Variants in GPR137C observed in about 807,000 individuals in gnomAD.
GPR137C encodes the protein G protein-coupled receptor 137C, also known as integral membrane protein GPR137C.
GPR137C carries 27 observed loss-of-function variants against 43.4 expected under a neutral mutation model. The ratio of observed to expected loss-of-function variants is 0.62; its 90% CI spans 0.46 to 0.86. The LOEUF is 0.86. Ranked by LOEUF, GPR137C falls within the 40% of genes least tolerant of loss-of-function variation. The pLI, the probability that GPR137C is intolerant of heterozygous loss-of-function variation, is 0.00. For synonymous variants in GPR137C, 285 were observed against 226.9 expected (o/e 1.26, Z -2.30); for missense variants, 522 against 534.6 (o/e 0.98, Z 0.23).
intron 3 of GPR137C, among the ~76,000 whole-genome samples, chr14:52,603,496 T>G (rs1951450): frequency 2.0e-5 from 3 of 151,976 alleles, no homozygotes; most frequent in African/African-American, 7.3e-5. Flanking sequence ...GGTAGTTCTA[T>G]TTTTAGTTTT....
Position 52,636,089 on chromosome 14 carries a change from C to G in GPR137C, c.*974C>G, listed in dbSNP as rs1434412357. On this transcript the variant is annotated 3_prime_UTR_variant, in exon 7 of 7. Transcript: ENST00000321662. ...TAAATGAAATCATGATACATTATTGCAGTGAACTCAAGTGCAATACTTTGT... is the reference window on the plus strand; with the variant it reads ...TAAATGAAATCATGATACATTATTGGAGTGAACTCAAGTGCAATACTTTGT... 2.0e-5 allele frequency: 3 copies of G among 151,982 alleles called. No individual in the cohort carries two copies. The highest frequency in any genetic ancestry group is 4.4e-5 in the Non-Finnish European group (3 of 67,966). 9.4% of individuals were successfully genotyped at this position (151,982 alleles called of 1,614,324 possible). A position where few individuals can be genotyped will look rare whatever the true frequency, so the allele number is the denominator to read the frequency against.
chr14:52,624,759 T>C (rs1403093637), intron 3 of GPR137C, among the ~76,000 whole-genome samples: 1 of 145,802 alleles, frequency 6.9e-6, no homozygotes, highest in Non-Finnish European at 1.5e-5. Flanking sequence ...AAGATAAAAA[T>C]AGAAATCAAT....
chr14:52,611,919 C>T (rs549871183), intron 3 of GPR137C: 1 of 982,818 alleles, frequency 1.0e-6, no homozygotes, highest in Admixed American at 6.1e-5. Flanking sequence ...CTATCATCTT[C>T]ATCATCATAT....
At chr14:52,579,386 C>T (rs2038611725) in intron 1 of GPR137C, among the ~76,000 whole-genome samples, 1 of 152,098 alleles carries the variant, frequency 6.6e-6, no homozygotes, top group African/African-American at 2.4e-5. Flanking sequence ...AGAGATTTAA[C>T]TGCTCTTAAA....
At chr14:52,596,213 C>T (rs1002692140) in intron 1 of GPR137C, among the ~76,000 whole-genome samples, 2 of 152,172 alleles carry the variant, frequency 1.3e-5, no homozygotes, top group Admixed American at 6.5e-5. Flanking sequence ...AGAGGGGCAC[C>T]CGCCTGTATG....
chr14:52,559,310 A>G lies in GPR137C; in HGVS notation c.444+5719A>G, dbSNP rs539550217. 2.0e-5 allele frequency among the ~76,000 whole-genome samples: 3 copies of G among 151,508 alleles called. No homozygotes were observed. In the East Asian group the frequency reaches 5.9e-4, roughly 30 times the overall value. ...GGCAGGAGAATCATTTGAACCTGGG[A>G]GGTGGAAGTTGCAGTGAACCGAGAT... On this transcript the variant is annotated intron_variant, in intron 1 of 6. Transcript: ENST00000321662.
chr14:52,599,074 AT>A (rs1372388507), intron 2 of GPR137C, among the ~76,000 whole-genome samples: 3 of 152,312 alleles, frequency 2.0e-5, no homozygotes, highest in Admixed American at 6.5e-5. Flanking sequence ...AGCCAGATAA[AT>A]TTCAGCATCA....
intron 3 of GPR137C, among the ~76,000 whole-genome samples, chr14:52,628,210 GT>G (rs2039252142): frequency 2.0e-5 from 3 of 152,190 alleles, no homozygotes; most frequent in Non-Finnish European, 4.4e-5. Flanking sequence ...TACACTTAAT[GT>G]GGTTTATTGA....
At chr14:52,595,552 C>T (rs927734257) in intron 1 of GPR137C, among the ~76,000 whole-genome samples, 1 of 152,038 alleles carries the variant, frequency 6.6e-6, no homozygotes, top group Non-Finnish European at 1.5e-5. Context: ...TGTCTCCTCG[C>T]TCTGTTTTAT....
chr14:52,623,456 A>C (rs2039183837), intron 3 of GPR137C, among the ~76,000 whole-genome samples: 1 of 152,164 alleles, frequency 6.6e-6, no homozygotes, highest in Admixed American at 6.5e-5. Context: ...TTTCCTTTCT[A>C]GTCTGGAAAG....
chr14:52,569,381 T>C (rs1358357064), intron 1 of GPR137C, among the ~76,000 whole-genome samples: 1 of 151,252 alleles, frequency 6.6e-6, no homozygotes, highest in Non-Finnish European at 1.5e-5. Flanking sequence ...AAAATGCATC[T>C]ACTCCTCCAA....
At chr14:52,633,073 A>G (rs1398894292) in intron 4 of GPR137C, among the ~76,000 whole-genome samples, 1 of 152,140 alleles carries the variant, frequency 6.6e-6, no homozygotes, top group Non-Finnish European at 1.5e-5. Flanking sequence ...GATAGAACAG[A>G]AACAAATTTA....
chr14:52,571,798 C>T (rs1203814736), intron 1 of GPR137C, among the ~76,000 whole-genome samples: 4 of 152,068 alleles, frequency 2.6e-5, no homozygotes, highest in African/African-American at 9.7e-5. Flanking sequence ...TTCAAAAAAT[C>T]AATGATTCCA....
At chr14:52,601,253 T>C (rs1292825227) in intron 3 of GPR137C, among the ~76,000 whole-genome samples, 1 of 152,172 alleles carries the variant, frequency 6.6e-6, no homozygotes, top group East Asian at 1.9e-4. Context: ...TTGCTTTAAT[T>C]TGACATCATT....
intron 1 of GPR137C, among the ~76,000 whole-genome samples, chr14:52,559,648 C>G (rs1016253468): frequency 1.3e-5 from 2 of 152,106 alleles, no homozygotes; most frequent in Admixed American, 1.3e-4. Context: ...CAAAGTACTT[C>G]ACAACATTGT....
At chr14:52,618,790 C>CT (rs1399991544) in intron 3 of GPR137C, among the ~76,000 whole-genome samples, 1 of 151,692 alleles carries the variant, frequency 6.6e-6, no homozygotes, top group African/African-American at 2.4e-5. Context: ...CAAAATAACT[C>CT]GTCAGCATAA....
At chr14:52,597,162 C>T (rs2038866683) in intron 1 of GPR137C, among the ~76,000 whole-genome samples, 1 of 152,172 alleles carries the variant, frequency 6.6e-6, no homozygotes, top group Non-Finnish European at 1.5e-5. Flanking sequence ...CCCTGACGCT[C>T]CAGACAGTTT....
intron 3 of GPR137C, among the ~76,000 whole-genome samples, chr14:52,610,192 A>T (rs1410633804): frequency 6.6e-6 from 1 of 152,188 alleles, no homozygotes; most frequent in African/African-American, 2.4e-5. Flanking sequence ...CACAGCATTT[A>T]TCAGTAGCCA....
intron 1 of GPR137C, among the ~76,000 whole-genome samples, chr14:52,593,747 G>A (rs1370760112): frequency 6.6e-6 from 1 of 151,606 alleles, no homozygotes; most frequent in African/African-American, 2.4e-5. Context: ...CTTGCTAGCG[G>A]TCTCTCTATT....
Sources: gnomAD v4.1 joint callset for allele counts (sites outside exome capture counted in the v4.1 genomes callset) on GRCh38, gnomAD v4.1.1 for gene constraint, MANE v1.5 for transcripts, NCBI Gene and HGNC (gene_info 2026-07-23, HGNC 2026-07-21) for gene names.